Variants in DSE observed in about 807,000 individuals in gnomAD.
The protein encoded by DSE is dermatan sulfate epimerase, also known as dermatan-sulfate epimerase.
Under a neutral mutation model 84.4 loss-of-function variants are expected in DSE, and 36 were observed. The observed-to-expected ratio is 0.43, with a 90% CI of 0.33 to 0.56. The LOEUF (loss-of-function observed/expected upper bound fraction) is 0.56, where lower values mean the gene tolerates loss of function less well. DSE is among the 20% of genes least tolerant of loss of function. The probability of loss-of-function intolerance (pLI) is 0.06; values close to 1 mark genes in which losing one functional copy is unlikely to be tolerated. For synonymous variants in DSE, 410 were observed against 430.1 expected (o/e 0.95, Z 0.58); for missense variants, 862 against 1,169.6 (o/e 0.74, Z 3.84).
intron 2 of DSE, among the ~76,000 whole-genome samples, chr6:116,351,529 T>C (rs946647073): frequency 6.6e-6 from 1 of 152,208 alleles, no homozygotes; most frequent in Admixed American, 6.5e-5. Context: ...ACAACTACAT[T>C]CTATTCCACT....
intron 4 of DSE, 108 bp from the exon 5 acceptor site, chr6:116,433,235 C>T (rs908880299): frequency 1.5e-5 from 16 of 1,049,822 alleles, no homozygotes; most frequent in Admixed American, 2.4e-5. Context: ...TTATCCCTTC[C>T]ATTACACAAT....
intron 2 of DSE, among the ~76,000 whole-genome samples, chr6:116,304,160 G>T (rs1209587873): frequency 6.6e-6 from 1 of 151,868 alleles, no homozygotes; most frequent in Non-Finnish European, 1.5e-5. Flanking sequence ...CAGAAACAGT[G>T]GGTCAGAGGA....
chr6:116,285,338 A>G (rs1033760316), intron 2 of DSE, among the ~76,000 whole-genome samples: 4 of 152,198 alleles, frequency 2.6e-5, no homozygotes, highest in Non-Finnish European at 5.9e-5. Flanking sequence ...GTGACTGTTC[A>G]TATCCCTCGC....
In DSE at chr6:116,437,010, C is replaced by G. The variant is rs761673358; in HGVS notation, c.2542C>G (p.Leu848Val). 13 of 1,614,096 alleles carry G rather than the reference C, an allele frequency of 8.1e-6. No individual in the cohort carries two copies. The highest frequency in any genetic ancestry group is 8.5e-6 in the Non-Finnish European group (10 of 1,180,000). ...AGCTCAGATTTTGGCACAGAAAGAA[C>G]TACCCATAGATGAAGATGAAGAAAT... ...QKAQILAQKE[L>V]PIDEDEEMKD... The change falls in exon 6 of 6, where the codon CTA becomes GTA. Residue 848 changes from leucine to valine, a missense_variant. Leu to Val is a conservative substitution (Grantham distance 32). Transcript: ENST00000644252.
chr6:116,413,300 A>T (rs555247343), intron 2 of DSE, among the ~76,000 whole-genome samples: 1 of 152,226 alleles, frequency 6.6e-6, no homozygotes, highest in South Asian at 2.1e-4. Flanking sequence ...GCAACCCATT[A>T]TATTCATTTC....
At chr6:116,428,698 A>G (rs2115070701) in intron 3 of DSE, among the ~76,000 whole-genome samples, 1 of 152,358 alleles carries the variant, frequency 6.6e-6, no homozygotes, top group Non-Finnish European at 1.5e-5. Flanking sequence ...CCATAGTTAC[A>G]GTAACCCCAG....
rs928444917 is a variant in DSE, at chr6:116,439,666, T to C, written c.*2321T>C. 1 of 152,244 alleles carries C rather than the reference T, an allele frequency of 6.6e-6. No homozygotes were observed. The highest frequency in any genetic ancestry group is 1.5e-5 in the Non-Finnish European group (1 of 68,028). 9.4% of individuals were successfully genotyped at this position (152,244 alleles called of 1,614,324 possible). On this transcript the variant is annotated 3_prime_UTR_variant, in exon 6 of 6. Transcript: ENST00000644252. ...TCCCTTGAAACTGAGTAATCAGTTA[T>C]GGAATCTGTTTCAATGCTGCTCACT...
At chr6:116,360,930 C>A (rs1375262847) in intron 2 of DSE, among the ~76,000 whole-genome samples, 1 of 152,068 alleles carries the variant, frequency 6.6e-6, no homozygotes, top group African/African-American at 2.4e-5. Context: ...ATTTGGGATA[C>A]ATTTTTTAAG....
chr6:116,352,108 T>C (rs1275269411), intron 2 of DSE, among the ~76,000 whole-genome samples: 2 of 147,802 alleles, frequency 1.4e-5, no homozygotes, highest in African/African-American at 5.1e-5. Context: ...TTAGTTAATA[T>C]CTCTGAACCT....
intron 2 of DSE, among the ~76,000 whole-genome samples, chr6:116,292,277 A>G (rs1403828014): frequency 1.3e-5 from 2 of 152,170 alleles, no homozygotes; most frequent in Admixed American, 6.5e-5. Context: ...AGGTAGGGAA[A>G]GAACCAGAAG....
intron 2 of DSE, among the ~76,000 whole-genome samples, chr6:116,406,492 C>T (rs766323354): frequency 6.6e-5 from 10 of 152,212 alleles, no homozygotes; most frequent in African/African-American, 9.6e-5. Context: ...TATTCTCTTT[C>T]ATTGATACTT....
chr6:116,393,722 T>C (rs915246722), intron 1 of DSE, among the ~76,000 whole-genome samples: 1 of 152,226 alleles, frequency 6.6e-6, no homozygotes. Flanking sequence ...TTATGTTGTG[T>C]TCCTCAAATT....
At chr6:116,378,118 A>G (rs1332054665) in intron 1 of DSE, among the ~76,000 whole-genome samples, 3 of 152,158 alleles carry the variant, frequency 2.0e-5, no homozygotes, top group Non-Finnish European at 2.9e-5. Context: ...GGGAACGTTG[A>G]ACAGCTGTTT....
intron 1 of DSE, among the ~76,000 whole-genome samples, chr6:116,398,403 A>C (rs1245053753): frequency 6.6e-6 from 1 of 152,230 alleles, no homozygotes; most frequent in African/African-American, 2.4e-5. Flanking sequence ...AATGACACCA[A>C]AATCCCATAT....
intron 2 of DSE, among the ~76,000 whole-genome samples, chr6:116,312,983 C>T (rs1311570966): frequency 2.0e-5 from 3 of 152,108 alleles, no homozygotes; most frequent in Non-Finnish European, 4.4e-5. Context: ...TCTAGTACCT[C>T]AGAATGTGAT....
chr6:116,389,106 G>A (rs992547665), intron 1 of DSE, among the ~76,000 whole-genome samples: 4 of 152,116 alleles, frequency 2.6e-5, no homozygotes, highest in African/African-American at 9.7e-5. Context: ...GACTGACCTC[G>A]ATGTTCTCAT....
chr6:116,400,875 A>G (rs1781547873), intron 2 of DSE: 1 of 152,194 alleles, frequency 6.6e-6, no homozygotes, highest in African/African-American at 2.4e-5. Flanking sequence ...TTACATTATC[A>G]AATGCTACAG....
chr6:116,417,403 G>A (rs1338061204), intron 2 of DSE, among the ~76,000 whole-genome samples: 4 of 152,026 alleles, frequency 2.6e-5, no homozygotes, highest in South Asian at 2.1e-4. Flanking sequence ...GGTATATTCC[G>A]ACACTTCGAT....
chr6:116,339,504 A>G (rs1337246746), intron 2 of DSE, among the ~76,000 whole-genome samples: 1 of 152,178 alleles, frequency 6.6e-6, no homozygotes, highest in Non-Finnish European at 1.5e-5. Context: ...TTTTAATGTG[A>G]AAAGATCAGA....
Sources: allele counts gnomAD v4.1 joint callset (sites outside exome capture counted in the v4.1 genomes callset), GRCh38; gene constraint gnomAD v4.1.1; transcripts MANE v1.5; gene names NCBI Gene and HGNC (gene_info 2026-07-23, HGNC 2026-07-21).